Variants in USP19 observed in about 807,000 individuals in gnomAD.
The protein encoded by USP19 is ubiquitin specific peptidase 19, also known as ubiquitin carboxyl-terminal hydrolase 19.
USP19 carries 40 observed loss-of-function variants against 144.8 expected under a neutral mutation model. The ratio of observed to expected loss-of-function variants is 0.28; its 90% CI spans 0.21 to 0.36. The LOEUF (loss-of-function observed/expected upper bound fraction) is 0.36, where lower values mean the gene tolerates loss of function less well. Among genes scored for constraint, USP19 ranks in the 10% least tolerant of loss-of-function variants. The pLI is 1.00. For missense variants in USP19, 1,518 were observed against 1,822.5 expected (o/e 0.83, Z 3.04); for synonymous variants, 701 against 709.3 (o/e 0.99, Z 0.19).
Position 49,117,545 on chromosome 3 carries a change from G to A in USP19, c.498C>T (p.Phe166=). 1 of 1,614,094 alleles carries A rather than the reference G, an allele frequency of 6.2e-7. No homozygotes were observed. Residue 166 remains phenylalanine (F), a synonymous_variant, in exon 5 of 27, where the codon TTC becomes TTT. Coordinates refer to ENST00000417901, the MANE Select transcript of USP19 (RefSeq NM_001199161.2). This position sits in a 1 kb window ranked among gnomAD's most constrained non-coding sequence, Gnocchi z 4.4. The part of the protein sequence containing the change: ...FAGGQQWGGV[F]YAEIKSSCAK... ...CACAAGAGCTTTTTATCTCAGCATAGAAGACACCACCCCACTGCTGACCAC... is the reference window on the plus strand; with the variant it reads ...CACAAGAGCTTTTTATCTCAGCATAAAAGACACCACCCCACTGCTGACCAC...
Position 49,118,053 on chromosome 3 carries a change from T to G in USP19, c.192A>C (p.Ser64=), listed in dbSNP as rs776946119. 35 of 1,592,302 alleles carry G rather than the reference T, an allele frequency of 2.2e-5. No individual in the cohort carries two copies. The South Asian group carries it at 3.6e-4, about 17-fold the overall frequency. ...EPLASGDPSA[S]ASHAAGITGS... ...CTGTGATCCCAGCTGCATGGGAGGC[T>G]GAGGCAGAAGGATCACCTGAGGCCA... Residue 64 remains serine, a synonymous_variant, in exon 3 of 27, where the codon TCA becomes TCC. Coordinates refer to ENST00000417901, the MANE Select transcript of USP19 (RefSeq NM_001199161.2).
chr3:49,109,985 G>T, intron 26 of USP19, 199 bp downstream of exon 26: 1 of 546,910 alleles, frequency 1.8e-6, no homozygotes, highest in Non-Finnish European at 2.9e-6. Context: ...GCATGTTAGT[G>T]TACTTGTATG....
Position 49,110,955 on chromosome 3 carries a change from C to T in USP19, c.3540G>A (p.Glu1180=). 1 of 1,614,066 alleles carries T rather than the reference C, an allele frequency of 6.2e-7. No individual in the cohort carries two copies. The highest frequency in any genetic ancestry group is 8.5e-7 in the Non-Finnish European group (1 of 1,180,046). The part of the protein sequence containing the change: ...FTRPEVLAPE[E]AWYCPQCKQH... ...ACTTGCTGCTCTGTTCTCACCAGGC[C>T]TCCTCGGGTGCCAGCACCTCAGGCC... The change falls in exon 23 of 27, where the codon GAG becomes GAA. Residue 1180 remains glutamate, a synonymous_variant. Transcript: ENST00000417901. The surrounding 1 kb of genome is among the most constrained non-coding windows in gnomAD (Gnocchi z 6.1).
At chr3:49,113,581 T>C (rs1423597740) in intron 17 of USP19, among the ~76,000 whole-genome samples, 1 of 145,148 alleles carries the variant, frequency 6.9e-6, no homozygotes, top group Non-Finnish European at 1.5e-5. Flanking sequence ...CCTGGCCCTA[T>C]TTTTATTTTT....
chr3:49,115,860 AG>A lies in USP19; in HGVS notation c.1555del (p.Leu519Ter). ...STPPGGAPHPLTGQEEARAVE... is the reference protein window; with the variant it reads ...STPPGGAPHPXTGQEEARAVE... Reference sequence around the variant, plus strand: ...AGCCCGGGCCTCCTCCTGGCCTGTCAGGGGGTGGGGAGCACCTCCTGGTGGG... The same window carrying A: ...AGCCCGGGCCTCCTCCTGGCCTGTCAGGGGTGGGGAGCACCTCCTGGTGGG... On this transcript the variant is annotated frameshift_variant, in exon 11 of 27. Coordinates refer to ENST00000417901, the MANE Select transcript of USP19 (RefSeq NM_001199161.2). LOFTEE classifies it high-confidence loss of function. The surrounding 1 kb of genome is among the most constrained non-coding windows in gnomAD (Gnocchi z 6.6). 6.2e-7 allele frequency: 1 copy of A among 1,606,166 alleles called. No individual in the cohort carries two copies. The highest frequency in any genetic ancestry group is 8.5e-7 in the Non-Finnish European group (1 of 1,176,490).
At chr3:49,119,713 C>T (rs780896568) in intron 1 of USP19, among the ~76,000 whole-genome samples, 3 of 152,156 alleles carry the variant, frequency 2.0e-5, no homozygotes, top group South Asian at 4.1e-4. Flanking sequence ...GGAGACAAGC[C>T]GCAGGAGAAC....
chr3:49,111,307 G>A lies in USP19; in HGVS notation c.3276C>T (p.Phe1092=). The change falls in exon 22 of 27, where the codon TTC becomes TTT. Residue 1092 remains phenylalanine (F), a synonymous_variant. Coordinates refer to ENST00000417901, the MANE Select transcript of USP19 (RefSeq NM_001199161.2). The surrounding 1 kb of genome is among the most constrained non-coding windows in gnomAD (Gnocchi z 5.9). ...SEAMNAHTPQ[F]FIYKIDSSNR... is the part of the protein sequence containing the mutation. ...TGGATGAATCAATTTTATAGATGAA[G>A]AACTGGGGTGTGTGGGCATTCATAG... The A allele has an allele frequency of 6.2e-7, 1 of 1,614,170 alleles. No individual in the cohort carries two copies. The highest frequency in any genetic ancestry group is 8.5e-7 in the Non-Finnish European group (1 of 1,180,038).
rs1230552030 is a variant in USP19, at chr3:49,111,078, G to C, written c.3417C>G (p.Ala1139=). 6.2e-7 allele frequency: 1 copy of C among 1,614,028 alleles called. No homozygotes were observed. The highest frequency in any genetic ancestry group is 8.5e-7 in the Non-Finnish European group (1 of 1,180,028). ...CCTCAGCACATTCCAGCTCCTTGGAGGCTACCAACACAAACTCCTGCAAGC... is the reference window on the plus strand; with the variant it reads ...CCTCAGCACATTCCAGCTCCTTGGACGCTACCAACACAAACTCCTGCAAGC... The part of the protein sequence containing the change: ...NERLQEFVLV[A]SKELECAEDP... Residue 1139 remains alanine, a synonymous_variant, in exon 23 of 27, where the codon GCC becomes GCG. Coordinates refer to ENST00000417901, the MANE Select transcript of USP19 (RefSeq NM_001199161.2). The surrounding 1 kb of genome is among the most constrained non-coding windows in gnomAD (Gnocchi z 5.9).
Position 49,111,836 on chromosome 3 carries a change from G to A in USP19, c.2904-23C>T, listed in dbSNP as rs1172573124. The A allele has an allele frequency of 6.3e-7, 1 of 1,586,284 alleles. No individual in the cohort carries two copies. The highest frequency in any genetic ancestry group is 8.6e-7 in the Non-Finnish European group (1 of 1,164,734). The stretch of plus-strand genomic sequence containing the variant: ...TACCTGGCAACAGAGAACAACGCAA[G>A]TAAGACTCCTGACCAGCCCATCTAG... On this transcript the variant is annotated intron_variant, in intron 20 of 26. Transcript: ENST00000417901. The surrounding 1 kb of genome is among the most constrained non-coding windows in gnomAD (Gnocchi z 5.9).
Position 49,117,384 on chromosome 3 carries a change from G to A in USP19, c.607-23C>T. 6.2e-7 allele frequency: 1 copy of A among 1,606,744 alleles called. No individual in the cohort carries two copies. The highest frequency in any genetic ancestry group is 1.1e-5 in the South Asian group (1 of 90,928). On this transcript the variant is annotated intron_variant, in intron 5 of 26. Coordinates refer to ENST00000417901, the MANE Select transcript of USP19 (RefSeq NM_001199161.2). The surrounding 1 kb of genome is among the most constrained non-coding windows in gnomAD (Gnocchi z 4.4). ...CTTCTGCCAAAGATACAGCAGTCAG[G>A]CCCTGTCGACTACACTGGTATCCCT...
In USP19 at chr3:49,114,723, G is replaced by C. The variant is rs758378566; in HGVS notation, c.2292+40C>G. ...AACCTAATGTGACCAGAATAGCTGA[G>C]CTGAACTAGGGGGTCTCTTTCCAGG... is the stretch of plus-strand genomic sequence containing the variant. On this transcript the variant is annotated intron_variant, in intron 15 of 26. Coordinates refer to ENST00000417901, the MANE Select transcript of USP19 (RefSeq NM_001199161.2). This position sits in a 1 kb window ranked among gnomAD's most constrained non-coding sequence, Gnocchi z 4.5. The C allele has an allele frequency of 6.2e-7, 1 of 1,602,198 alleles. No homozygotes were observed. The highest frequency in any genetic ancestry group is 1.1e-5 in the South Asian group (1 of 90,780).
Position 49,111,480 on chromosome 3 carries a change from A to T in USP19, c.3217+20T>A, listed in dbSNP as rs369587115. The T allele has an allele frequency of 1.2e-6, 2 of 1,611,550 alleles. No homozygotes were observed. Among genetic ancestry groups the T allele is most frequent in the African/African-American group, 2.7e-5 (2 of 74,918 alleles). On this transcript the variant is annotated intron_variant, in intron 21 of 26. Transcript: ENST00000417901. The surrounding 1 kb of genome is among the most constrained non-coding windows in gnomAD (Gnocchi z 5.9). ...CCTTATCCTCCTCCCCAGCTTCTAG[A>T]GCCTTTCACTGGATCTTACCTTCGG...
In USP19 at chr3:49,112,972, C is replaced by T. The variant is rs183117639; in HGVS notation, c.2506-343G>A. Among the ~76,000 whole-genome samples the T allele has an allele frequency of 6.6e-6, 1 of 152,274 alleles. No homozygotes were observed. The highest frequency in any genetic ancestry group is 1.9e-4 in the East Asian group (1 of 5,186). On this transcript the variant is annotated intron_variant, in intron 17 of 26. Transcript: ENST00000417901. This position sits in a 1 kb window ranked among gnomAD's most constrained non-coding sequence, Gnocchi z 4.9. Reference sequence around the variant, plus strand: ...CAAAGAGCCTCCTCCCCACTCTTACCCCTAAGAAAACCAACACTGTCAGGC... The same window carrying T: ...CAAAGAGCCTCCTCCCCACTCTTACTCCTAAGAAAACCAACACTGTCAGGC...
At position 49,111,637 on chromosome 3, in the gene USP19, G is replaced by A; in HGVS notation, c.3080C>T (p.Thr1027Ile). ...QLVTPMAEGD[T>I]GLPRVWAAPD... is the part of the protein sequence containing the mutation. ...GGCTGCCCACACCCGGGGAAGCCCT[G>A]TGTCCCCCTCAGCCATAGGGGTCAC... Residue 1027 changes from threonine to isoleucine, a missense_variant, in exon 21 of 27, where the codon ACA (threonine) becomes ATA (isoleucine). By Grantham distance (89) the Thr-to-Ile change is moderately conservative (BLOSUM62 -1). This residue lies in a region of USP19 where 413 missense variants were observed against 515.8 expected (regional missense o/e 0.80). Transcript: ENST00000417901. The surrounding 1 kb of genome is among the most constrained non-coding windows in gnomAD (Gnocchi z 5.9). The A allele has an allele frequency of 6.2e-7, 1 of 1,608,194 alleles. No homozygotes were observed. The highest frequency in any genetic ancestry group is 8.5e-7 in the Non-Finnish European group (1 of 1,177,242).
Position 49,110,003 on chromosome 3 carries a change from G to T in USP19, c.4038+181C>A. On this transcript the variant is annotated intron_variant, in intron 26 of 26. Transcript: ENST00000417901. The surrounding 1 kb of genome is among the most constrained non-coding windows in gnomAD (Gnocchi z 6.1). The stretch of plus-strand genomic sequence containing the variant: ...TGTTAGTGTACTTGTATGTTTGTTA[G>T]TGTCCCCAAGGCATGGGGATGCCTC... 1 of 632,776 alleles carries T rather than the reference G, an allele frequency of 1.6e-6. No individual in the cohort carries two copies. The highest frequency in any genetic ancestry group is 2.4e-6 in the Non-Finnish European group (1 of 416,172). The allele number at this position is 632,776 out of a possible 1,614,324, so 39.2% of individuals were successfully genotyped here.
rs1168149986 is a variant in USP19 at position 49,108,294 on chromosome 3, C to A, written c.*118G>T. The A allele has an allele frequency of 6.5e-6, 2 of 307,626 alleles. No homozygotes were observed. The allele number at this position is 307,626 out of a possible 1,614,324, so 19.1% of individuals were successfully genotyped here. A position where few individuals can be genotyped will look rare whatever the true frequency, so the allele number is the denominator to read the frequency against. On this transcript the variant is annotated 3_prime_UTR_variant, in exon 27 of 27. Transcript: ENST00000417901. The surrounding 1 kb of genome is among the most constrained non-coding windows in gnomAD (Gnocchi z 4.8). ...AGAGGTCTCCACACCCAAATCATAC[C>A]CCTCAGCTTCCCATTGACAGAGCCA...
chr3:49,114,041 G>A lies in USP19; in HGVS notation c.2456C>T (p.Ser819Phe). Reference protein sequence around the residue: ...ENSTASEVLDSLSQSVHVKPE... With the variant: ...ENSTASEVLDFLSQSVHVKPE... ...CTTCACATGAACACTCTGAGAGAGGGAGTCCAATACTTCGCTCGCAGTGGA... is the reference window on the plus strand; with the variant it reads ...CTTCACATGAACACTCTGAGAGAGGAAGTCCAATACTTCGCTCGCAGTGGA... The change falls in exon 17 of 27, where the codon TCC becomes TTC. Residue 819 changes from serine (S) to phenylalanine (F), a missense_variant. Ser to Phe is a radical substitution (Grantham distance 155). Around this residue, in one of 5 missense-constraint regions of USP19, gnomAD observed 413 missense variants for 515.8 expected, o/e 0.80. Transcript: ENST00000417901. This position sits in a 1 kb window ranked among gnomAD's most constrained non-coding sequence, Gnocchi z 4.5. 1 of 1,614,230 alleles carries A rather than the reference G, an allele frequency of 6.2e-7. No homozygotes were observed. The highest frequency in any genetic ancestry group is 8.5e-7 in the Non-Finnish European group (1 of 1,180,042).
Position 49,114,689 on chromosome 3 carries a change from A to G in USP19, c.2292+74T>C. 1.3e-6 allele frequency: 2 copies of G among 1,508,156 alleles called. No individual in the cohort carries two copies. Among genetic ancestry groups the G allele is most frequent in the Non-Finnish European group, 1.8e-6 (2 of 1,090,444 alleles). The allele number at this position is 1,508,156 out of a possible 1,614,324, so 93.4% of individuals were successfully genotyped here. ...TGCCCTGTAGCACCTTAAGATGCAC[A>G]TGCCTCTGAACCTAATGTGACCAGA... is the stretch of plus-strand genomic sequence containing the variant. On this transcript the variant is annotated intron_variant, in intron 15 of 26. Coordinates refer to ENST00000417901, the MANE Select transcript of USP19 (RefSeq NM_001199161.2). The surrounding 1 kb of genome is among the most constrained non-coding windows in gnomAD (Gnocchi z 4.5).
chr3:49,108,411 G>T lies in USP19; in HGVS notation c.*1C>A. 7.3e-7 allele frequency: 1 copy of T among 1,372,554 alleles called. No individual in the cohort carries two copies. The highest frequency in any genetic ancestry group is 9.6e-7 in the Non-Finnish European group (1 of 1,037,594). 85.0% of individuals were successfully genotyped at this position (1,372,554 alleles called of 1,614,324 possible). On this transcript the variant is annotated 3_prime_UTR_variant, in exon 27 of 27. Transcript: ENST00000417901. The surrounding 1 kb of genome is among the most constrained non-coding windows in gnomAD (Gnocchi z 4.8). The stretch of plus-strand genomic sequence containing the variant: ...AGTCCCCCCCATCAGCCAGGGACCT[G>T]CTAATCCACCTCCTCCATGTTGCTG...
Sources: allele counts gnomAD v4.1 joint callset (sites outside exome capture counted in the v4.1 genomes callset), GRCh38; gene constraint gnomAD v4.1.1; regional missense constraint gnomAD v4.1.1; non-coding constraint Gnocchi (gnomAD v3.1); transcripts MANE v1.5; gene names NCBI Gene and HGNC (gene_info 2026-07-23, HGNC 2026-07-21).